The following MALRD1 variants were observed in gnomAD, a reference collection of about 807,000 sequenced individuals.
MALRD1 encodes the protein MAM and LDL-receptor class A domain-containing protein 1.
Under a neutral mutation model 242.1 loss-of-function variants are expected in MALRD1, and 247 were observed. The ratio of observed to expected loss-of-function variants is 1.02; its 90% CI spans 0.92 to 1.13. MALRD1 has a LOEUF of 1.13. Among genes scored for constraint, MALRD1 ranks in the 50% most tolerant of loss-of-function variants. The pLI, the probability that MALRD1 is intolerant of heterozygous loss-of-function variation, is 0.00. For missense variants in MALRD1, 2,989 were observed against 2,533.1 expected, an observed-to-expected ratio of 1.18 and a Z score of -3.86; for synonymous variants, 995 against 866.6, an observed-to-expected ratio of 1.15 and a Z score of -2.60.
chr10:19,107,674 C>T (rs919787432), intron 5 of MALRD1, among the ~76,000 whole-genome samples: 13 of 149,908 alleles, frequency 8.7e-5, no homozygotes, highest in African/African-American at 2.9e-4. Flanking sequence ...TCATTTTAGT[C>T]GTTATTTTCT....
chr10:19,373,203 C>CAAAAAAAAAAAAAAAAAAAAAAAAA lies in MALRD1; in HGVS notation c.4442-14308_4442-14307insAAAAAAAAAAAAAAAAAAAAAAAAA, dbSNP rs374095193. Among the ~76,000 whole-genome samples, 95 of 114,818 alleles carry CAAAAAAAAAAAAAAAAAAAAAAAAA rather than the reference C, an allele frequency of 8.3e-4. 1 individual carries two copies. The highest frequency in any genetic ancestry group is 2.1e-3 in the African/African-American group (60 of 29,208). 75.3% of individuals were successfully genotyped at this position (114,818 alleles called of 152,430 possible). ...CTTGCATTTCAGCAAACGCTAAATA[C>CAAAAAAAAAAAAAAAAAAAAAAAAA]AAAAAAAAAAAAAAAAATAAGGGGC... On this transcript the variant is annotated intron_variant, in intron 26 of 39. Coordinates refer to ENST00000454679, the MANE Select transcript of MALRD1 (RefSeq NM_001142308.3).
chr10:19,498,123 T>G (rs1837803886), intron 30 of MALRD1, among the ~76,000 whole-genome samples: 1 of 152,220 alleles, frequency 6.6e-6, no homozygotes, highest in African/African-American at 2.4e-5. Flanking sequence ...AACATCAGAA[T>G]AAGGGACGGA....
At chr10:19,686,118 A>G (rs1373616218) in intron 36 of MALRD1, among the ~76,000 whole-genome samples, 1 of 152,218 alleles carries the variant, frequency 6.6e-6, no homozygotes, top group Non-Finnish European at 1.5e-5. Flanking sequence ...GAGGAAAGAC[A>G]CAGGCAAGTT....
chr10:19,602,351 C>A (rs145257151), intron 34 of MALRD1, among the ~76,000 whole-genome samples: 2 of 129,270 alleles, frequency 1.5e-5, no homozygotes, highest in African/African-American at 3.1e-5. Flanking sequence ...CCCCCTCCCC[C>A]CACCCTATGA....
At chr10:19,547,781 G>GATATATATATATATAT (rs1835272093) in intron 32 of MALRD1, among the ~76,000 whole-genome samples, 1 of 37,550 alleles carries the variant, frequency 2.7e-5, no homozygotes, top group African/African-American at 9.0e-5. Context: ...GAACTTCACA[G>GATATATATATATATAT]ATACATATAT....
At chr10:19,271,379 C>A (rs1423534316) in intron 19 of MALRD1, among the ~76,000 whole-genome samples, 2 of 152,186 alleles carry the variant, frequency 1.3e-5, no homozygotes, top group African/African-American at 4.8e-5. Flanking sequence ...ACAGAGAAAG[C>A]TTCCATTCAT....
chr10:19,478,520 G>A (rs773748970), intron 29 of MALRD1, among the ~76,000 whole-genome samples: 3 of 152,066 alleles, frequency 2.0e-5, no homozygotes, highest in African/African-American at 4.8e-5. Context: ...AATTCAGCAC[G>A]TGAAAAGGTA....
Position 19,048,862 on chromosome 10 carries a change from T to C in MALRD1, c.-77T>C. 9.0e-7 allele frequency: 1 copy of C among 1,107,298 alleles called. No homozygotes were observed. The highest frequency in any genetic ancestry group is 1.1e-6 in the Non-Finnish European group (1 of 873,358). 68.6% of individuals were successfully genotyped at this position (1,107,298 alleles called of 1,614,324 possible). ...AGAAGCAAATCTGGGAAAGGAAGAATAGAGAAATAAAAGAATGTTTCCAAT... is the reference window on the plus strand; with the variant it reads ...AGAAGCAAATCTGGGAAAGGAAGAACAGAGAAATAAAAGAATGTTTCCAAT... On this transcript the variant is annotated 5_prime_UTR_variant, in exon 1 of 40. Transcript: ENST00000454679.
At position 19,615,584 on chromosome 10, in the gene MALRD1, A is replaced by G. The variant is rs146914173; in HGVS notation, c.6071-273A>G. On this transcript the variant is annotated intron_variant, in intron 35 of 39. Transcript: ENST00000454679. ...GCAAAAAATAAATAAAAATTAAAAA[A>G]TTAAACAAGTAAATAATTTTTTAAA... 2.0e-3 allele frequency among the ~76,000 whole-genome samples: 300 copies of G among 151,570 alleles called. 2 individuals are homozygous for G. The highest frequency in any genetic ancestry group is 5.9e-3 in the African/African-American group (246 of 41,354).
At chr10:19,637,876 G>A (rs1043678232) in intron 36 of MALRD1, among the ~76,000 whole-genome samples, 2 of 151,912 alleles carry the variant, frequency 1.3e-5, no homozygotes, top group Non-Finnish European at 2.9e-5. Flanking sequence ...CGAGGCAGGT[G>A]GATCACCTGA....
chr10:19,702,422 A>T (rs1833669961), intron 38 of MALRD1, among the ~76,000 whole-genome samples: 1 of 152,132 alleles, frequency 6.6e-6, no homozygotes. Flanking sequence ...AGGGTGAGTC[A>T]CTCAGTAATG....
chr10:19,513,182 A>C (rs1372848882), intron 31 of MALRD1, among the ~76,000 whole-genome samples: 1 of 152,124 alleles, frequency 6.6e-6, no homozygotes, highest in East Asian at 1.9e-4. Flanking sequence ...TTGGGTCATG[A>C]GGATGGATTC....
chr10:19,340,891 A>C (rs1445539319), intron 24 of MALRD1, among the ~76,000 whole-genome samples: 1 of 152,094 alleles, frequency 6.6e-6, no homozygotes, highest in African/African-American at 2.4e-5. Flanking sequence ...ACCCCATCTG[A>C]GACTCACTAA....
intron 30 of MALRD1, among the ~76,000 whole-genome samples, chr10:19,495,255 G>T (rs1387434683): frequency 6.6e-6 from 1 of 151,906 alleles, no homozygotes; most frequent in African/African-American, 2.4e-5. Flanking sequence ...GGGATTACAG[G>T]TATGAGCCAC....
chr10:19,113,266 A>G (rs1836744041), intron 5 of MALRD1, among the ~76,000 whole-genome samples: 2 of 152,124 alleles, frequency 1.3e-5, no homozygotes, highest in East Asian at 3.9e-4. Flanking sequence ...TTAGCTCCTC[A>G]CGATACTGCT....
At chr10:19,653,683 A>C (rs181354799) in intron 36 of MALRD1, among the ~76,000 whole-genome samples, 134 of 149,886 alleles carry the variant, frequency 8.9e-4, no homozygotes, top group South Asian at 2.1e-3. Context: ...CGAATAGTCT[A>C]TGTAAATTTC....
intron 26 of MALRD1, among the ~76,000 whole-genome samples, chr10:19,384,351 A>C (rs1418511278): frequency 1.6e-5 from 2 of 124,350 alleles, no homozygotes; most frequent in African/African-American, 6.2e-5. Flanking sequence ...TTACTATATA[A>C]TATATATTAT....
At chr10:19,412,307 G>A in intron 28 of MALRD1, among the ~76,000 whole-genome samples, 1 of 152,092 alleles carries the variant, frequency 6.6e-6, no homozygotes. Context: ...ATAAATACAA[G>A]TTTATAATAT....
At chr10:19,619,250 T>C (rs1305689556) in intron 36 of MALRD1, among the ~76,000 whole-genome samples, 1 of 152,030 alleles carries the variant, frequency 6.6e-6, no homozygotes, top group African/African-American at 2.4e-5. Context: ...AGATCCAACA[T>C]AGGTGATGTT....
Sources: gnomAD v4.1 joint callset for allele counts (sites outside exome capture counted in the v4.1 genomes callset) on GRCh38, gnomAD v4.1.1 for gene constraint, MANE v1.5 for transcripts, NCBI Gene and HGNC (gene_info 2026-07-23, HGNC 2026-07-21) for gene names.